Variants in KIF18B observed in about 807,000 individuals in gnomAD.
The protein encoded by KIF18B is kinesin family member 18B.
KIF18B carries 49 observed loss-of-function variants against 80.9 expected under a neutral mutation model. That is an observed-to-expected ratio of 0.61 (90% CI 0.48 to 0.77). The LOEUF (loss-of-function observed/expected upper bound fraction) is 0.77. KIF18B is among the 30% of genes least tolerant of loss of function. The pLI, the probability that KIF18B is intolerant of heterozygous loss-of-function variation, is 0.00. For synonymous variants in KIF18B, 439 were observed against 463.9 expected (o/e 0.95, Z 0.69); for missense variants, 994 against 1,127.7 (o/e 0.88, Z 1.70).
intron 1 of KIF18B, among the ~76,000 whole-genome samples, chr17:44,946,686 T>C (rs1193283117): frequency 6.6e-6 from 1 of 152,236 alleles, no homozygotes; most frequent in Admixed American, 6.5e-5. Context: ...CCTTAAGTTC[T>C]GTGGCACAGA....
At position 44,927,535 on chromosome 17, in the gene KIF18B, G is replaced by A. The variant is rs540315976; in HGVS notation, c.2277-457C>T. The stretch of plus-strand genomic sequence containing the variant: ...TGTGGAAAGGGGGAGTGACAGCTTC[G>A]TCTTCTCACTGGAAAATACTGAACT... On this transcript the variant is annotated intron_variant, in intron 13 of 15. Transcript: ENST00000593135. This position sits in a 1 kb window ranked among gnomAD's most constrained non-coding sequence, Gnocchi z 4.1. 5.9e-5 allele frequency among the ~76,000 whole-genome samples: 9 copies of A among 152,338 alleles called. No homozygotes were observed. Among genetic ancestry groups the A allele is most frequent in the Admixed American group, 1.3e-4 (2 of 15,310 alleles).
chr17:44,938,807 G>A (rs1203108219), intron 1 of KIF18B, among the ~76,000 whole-genome samples: 1 of 152,140 alleles, frequency 6.6e-6, no homozygotes, highest in East Asian at 1.9e-4. Flanking sequence ...CACTTTGGGA[G>A]ACCAAGGTGG....
chr17:44,947,594 C>G (rs1274694301), intron 1 of KIF18B, 34 bp downstream of exon 1: 2 of 152,294 alleles, frequency 1.3e-5, no homozygotes, highest in African/African-American at 4.8e-5. Context: ...AGCAGGCGTT[C>G]GCGCGGTCGG....
chr17:44,947,142 A>AT (rs2052527310), intron 1 of KIF18B, among the ~76,000 whole-genome samples: 1 of 137,588 alleles, frequency 7.3e-6, no homozygotes, highest in Non-Finnish European at 1.6e-5. Context: ...AAAAAAAAAA[A>AT]TTTTACTGCG....
chr17:44,928,444 C>G lies in KIF18B; in HGVS notation c.1858G>C (p.Gly620Arg). 3 of 1,537,910 alleles carry G rather than the reference C, an allele frequency of 2.0e-6. No individual in the cohort carries two copies. The highest frequency in any genetic ancestry group is 2.6e-6 in the Non-Finnish European group (3 of 1,146,920). Residue 620 changes from glycine (G) to arginine (R), a missense_variant, in exon 13 of 16, where the codon GGG (glycine) becomes CGG (arginine). Coordinates refer to ENST00000593135, the MANE Select transcript of KIF18B (RefSeq NM_001265577.2). ...TTCTTCTCCATGGGCCATCGGGACC[C>G]CTGGGCTGGGGTGCAGTTGGGTCCA... ...PPGPNCTPAQ[G>R]SRWPMEKKRR...
chr17:44,937,977 T>TACACACACACAC (rs57130293), intron 1 of KIF18B, among the ~76,000 whole-genome samples: 3 of 143,938 alleles, frequency 2.1e-5, no homozygotes, highest in African/African-American at 2.6e-5. Context: ...AGCATCTCCA[T>TACACACACACAC]ACACACACAC....
At chr17:44,945,826 AATCT>A (rs1467333494) in intron 1 of KIF18B, among the ~76,000 whole-genome samples, 2 of 151,290 alleles carry the variant, frequency 1.3e-5, no homozygotes, top group African/African-American at 4.9e-5. Flanking sequence ...GAATCGCTTG[AATCT>A]TGGAGGCGGA....
chr17:44,939,952 T>C (rs1477911453), intron 1 of KIF18B, among the ~76,000 whole-genome samples: 3 of 152,122 alleles, frequency 2.0e-5, no homozygotes, highest in Non-Finnish European at 4.4e-5. Flanking sequence ...TACAGGCGTG[T>C]GCCACCACGC....
rs1242835586 is a variant in KIF18B at position 44,928,834 on chromosome 17, G to T, written c.1708C>A (p.Leu570Met). The T allele has an allele frequency of 6.2e-7, 1 of 1,613,698 alleles. No homozygotes were observed. Among genetic ancestry groups the T allele is most frequent in the Non-Finnish European group, 8.5e-7 (1 of 1,179,790 alleles). ...TGAGACTCACTTGACTCTGAACACA[G>T]CTCCTGAGCCAGAGGTGCCCCCCTG... ...LARGAPLAQE[L>M]CSESIPVPSP... Residue 570 changes from leucine to methionine, a missense_variant, in exon 12 of 16, where the codon CTG becomes ATG. By Grantham distance (15) the Leu-to-Met change is conservative. Coordinates refer to ENST00000593135, the MANE Select transcript of KIF18B (RefSeq NM_001265577.2).
chr17:44,934,788 G>C lies in KIF18B; in HGVS notation c.576+43C>G. Reference sequence around the variant, plus strand: ...AAACAGTTTTGTGAGGGAACCCCAAGGACCCATGGGGCCGATCATCCTACC... The same window carrying C: ...AAACAGTTTTGTGAGGGAACCCCAACGACCCATGGGGCCGATCATCCTACC... On this transcript the variant is annotated intron_variant, in intron 4 of 15. Coordinates refer to ENST00000593135, the MANE Select transcript of KIF18B (RefSeq NM_001265577.2). This position sits in a 1 kb window ranked among gnomAD's most constrained non-coding sequence, Gnocchi z 5.4. The C allele has an allele frequency of 7.0e-7, 1 of 1,437,116 alleles. No homozygotes were observed. 89.0% of individuals were successfully genotyped at this position (1,437,116 alleles called of 1,614,324 possible).
chr17:44,934,180 G>A lies in KIF18B; in HGVS notation c.885+53C>T, dbSNP rs1375140121. On this transcript the variant is annotated intron_variant, in intron 6 of 15. Transcript: ENST00000593135. This position sits in a 1 kb window ranked among gnomAD's most constrained non-coding sequence, Gnocchi z 5.4. ...GGGGCCCTGTGGCCTTTGGCCCTGGGTTCAGGTGCTCAGTTGCTATCCTGG... is the reference window on the plus strand; with the variant it reads ...GGGGCCCTGTGGCCTTTGGCCCTGGATTCAGGTGCTCAGTTGCTATCCTGG... 6.3e-7 allele frequency: 1 copy of A among 1,594,544 alleles called. No individual in the cohort carries two copies. Among genetic ancestry groups the A allele is most frequent in the Non-Finnish European group, 8.6e-7 (1 of 1,169,472 alleles).
rs755364070 is a variant in KIF18B, at chr17:44,926,103, T to C, written c.2536A>G (p.Asn846Asp). ...IRVGRALSAG[N>D]GVTKVS ...GGTCAGGACACCTTGGTGACGCCGT[T>C]CCCTGCTGAGAGTGCTCTCCCCACC... is the stretch of plus-strand genomic sequence containing the variant. Residue 846 changes from asparagine to aspartate, a missense_variant, in exon 16 of 16, where the codon AAC (asparagine) becomes GAC (aspartate). Physicochemically the swap from Asn to Asp is conservative, Grantham distance 23 (BLOSUM62 1). Coordinates refer to ENST00000593135, the MANE Select transcript of KIF18B (RefSeq NM_001265577.2). 6.2e-7 allele frequency: 1 copy of C among 1,613,872 alleles called. No individual in the cohort carries two copies. The highest frequency in any genetic ancestry group is 8.5e-7 in the Non-Finnish European group (1 of 1,179,860).
At chr17:44,936,497 G>A in intron 1 of KIF18B, 139 bp from the exon 2 acceptor site, 2 of 612,396 alleles carry the variant, frequency 3.3e-6, no homozygotes, top group Non-Finnish European at 5.4e-6. Context: ...AAATATTGGT[G>A]CTGAAACCAA....
In KIF18B at chr17:44,932,224, C is replaced by A; in HGVS notation, c.1239-18G>T. Reference sequence around the variant, plus strand: ...AGGGCTGGCTGGGAGGGTGGGGTGGCAAGGGGGAGCTGGGAAGGCTAAGCG... The same window carrying A: ...AGGGCTGGCTGGGAGGGTGGGGTGGAAAGGGGGAGCTGGGAAGGCTAAGCG... On this transcript the variant is annotated intron_variant, in intron 9 of 15. Coordinates refer to ENST00000593135, the MANE Select transcript of KIF18B (RefSeq NM_001265577.2). The A allele has an allele frequency of 6.4e-7, 1 of 1,567,694 alleles. No homozygotes were observed. The highest frequency in any genetic ancestry group is 8.7e-7 in the Non-Finnish European group (1 of 1,154,622).
chr17:44,929,098 G>A, intron 11 of KIF18B, 74 bp from the exon 12 acceptor site: 3 of 1,305,556 alleles, frequency 2.3e-6, no homozygotes, highest in Non-Finnish European at 3.3e-6. Context: ...CCATGCACCT[G>A]TCCTCATCAC....
At chr17:44,936,615 TATATATATA>T (rs1316467596) in intron 1 of KIF18B, among the ~76,000 whole-genome samples, 43 of 90,760 alleles carry the variant, frequency 4.7e-4, no homozygotes, top group African/African-American at 1.2e-3. Context: ...TATATATATA[TATATATATA>T]TTTTTTTTTT....
Position 44,934,381 on chromosome 17 carries a change from T to C in KIF18B, c.737A>G (p.Gln246Arg). Residue 246 changes from glutamine to arginine, a missense_variant, in exon 6 of 16, where the codon CAG (glutamine) becomes CGG (arginine). Physicochemically the swap from Gln to Arg is conservative, Grantham distance 43. Coordinates refer to ENST00000593135, the MANE Select transcript of KIF18B (RefSeq NM_001265577.2). The surrounding 1 kb of genome is among the most constrained non-coding windows in gnomAD (Gnocchi z 5.4). ...DRVPGLTQAV[Q>R]VAKMSLIDLA... ...GTCAATCAGGCTCATCTTGGCCACC[T>C]GGACAGCCTGGGTCAGTCCTGGAAC... The C allele has an allele frequency of 6.2e-7, 1 of 1,606,778 alleles. No individual in the cohort carries two copies. The highest frequency in any genetic ancestry group is 8.5e-7 in the Non-Finnish European group (1 of 1,176,466).
chr17:44,938,904 T>C (rs2052361736), intron 1 of KIF18B, among the ~76,000 whole-genome samples: 1 of 151,418 alleles, frequency 6.6e-6, no homozygotes, highest in African/African-American at 2.4e-5. Flanking sequence ...ATTAGGCGGG[T>C]GTGGTGGCAC....
Position 44,934,833 on chromosome 17 carries a change from G to C in KIF18B, c.574C>G (p.Gln192Glu). 5.8e-6 allele frequency: 9 copies of C among 1,544,810 alleles called. No individual in the cohort carries two copies. Among genetic ancestry groups the C allele is most frequent in the Non-Finnish European group, 7.9e-6 (9 of 1,141,486 alleles). ...GVVVQGLSFHQPASAEQLLEI... is the reference protein window; with the variant it reads ...GVVVQGLSFHEPASAEQLLEI... Reference sequence around the variant, plus strand: ...CCTACCCGAGCCCAATCCCACACCTGGTGGAAAGAAAGTCCTTGCACCACC... The same window carrying C: ...CCTACCCGAGCCCAATCCCACACCTCGTGGAAAGAAAGTCCTTGCACCACC... The change falls in exon 4 of 16, where the codon CAG (glutamine) becomes GAG (glutamate). Residue 192 changes from glutamine to glutamate, a missense_variant and splice_region_variant. By Grantham distance (29) the Gln-to-Glu change is conservative (BLOSUM62 2). Coordinates refer to ENST00000593135, the MANE Select transcript of KIF18B (RefSeq NM_001265577.2). The surrounding 1 kb of genome is among the most constrained non-coding windows in gnomAD (Gnocchi z 5.4).
Sources: allele counts gnomAD v4.1 joint callset (sites outside exome capture counted in the v4.1 genomes callset), GRCh38; gene constraint gnomAD v4.1.1; non-coding constraint Gnocchi (gnomAD v3.1); transcripts MANE v1.5; gene names NCBI Gene and HGNC (gene_info 2026-07-23, HGNC 2026-07-21).